Variants in RTL4 observed in about 807,000 individuals in gnomAD.
RTL4 encodes the protein retrotransposon Gag-like protein 4.
In RTL4, 4 loss-of-function variants were observed where a neutral mutation model predicts 5.3. That is an observed-to-expected ratio of 0.75 (90% CI 0.37 to 1.72). The LOEUF is 1.72. Ranked by LOEUF, RTL4 falls within the 40% of genes most tolerant of loss-of-function variation. RTL4 has a pLI of 0.04. For missense variants in RTL4, 260 were observed against 227.1 expected, an observed-to-expected ratio of 1.14 and a Z score of -0.93; for synonymous variants, 98 against 87.3, an observed-to-expected ratio of 1.12 and a Z score of -0.68.
the RTL4 span, among the ~76,000 whole-genome samples, chrX:112,248,187 T>C: frequency 8.9e-6 from 1 of 112,394 alleles, no homozygotes; most frequent in African/African-American, 3.2e-5. Context: ...AACTTGAAAT[T>C]TCCAGAGAAA....
At chrX:112,270,661 A>C in the RTL4 span, among the ~76,000 whole-genome samples, 17 of 111,119 alleles carry the variant, frequency 1.5e-4, no homozygotes, top group Non-Finnish European at 2.1e-4. Context: ...GACAGCTAGC[A>C]GACAGCCCTG....
the RTL4 span, among the ~76,000 whole-genome samples, chrX:112,435,894 T>G: frequency 3.6e-5 from 4 of 112,060 alleles, no homozygotes; most frequent in Non-Finnish European, 5.6e-5. Flanking sequence ...ATGTTCAAAC[T>G]TCACAGTTTT....
the RTL4 span, among the ~76,000 whole-genome samples, chrX:112,302,722 G>A: frequency 8.9e-6 from 1 of 112,394 alleles, no homozygotes; most frequent in Admixed American, 9.4e-5. Flanking sequence ...CATTTACAAT[G>A]TGCTAGGCTT....
At chrX:112,205,330 CT>C in the RTL4 span, among the ~76,000 whole-genome samples, 1 of 111,017 alleles carries the variant, frequency 9.0e-6, no homozygotes, top group African/African-American at 3.3e-5. Context: ...TAAGATTTAC[CT>C]TGTATAAGAG....
At chrX:112,368,965 A>G in the RTL4 span, among the ~76,000 whole-genome samples, 10 of 112,993 alleles carry the variant, frequency 8.9e-5, no homozygotes, top group Non-Finnish European at 1.9e-4. Flanking sequence ...CACTACAAGT[A>G]CTTGCAGTAT....
chrX:112,404,289 T>C, the RTL4 span, among the ~76,000 whole-genome samples: 30 of 112,273 alleles, frequency 2.7e-4, no homozygotes, highest in African/African-American at 9.7e-4. Context: ...ATTTTATACC[T>C]GCATCTCTAT....
At chrX:112,232,998 C>T in the RTL4 span, among the ~76,000 whole-genome samples, 1 of 111,394 alleles carries the variant, frequency 9.0e-6, no homozygotes, top group Non-Finnish European at 1.9e-5. Flanking sequence ...GATGTTCAGC[C>T]AGTGACATAG....
At chrX:112,120,307 G>C in the RTL4 span, among the ~76,000 whole-genome samples, 24 of 112,174 alleles carry the variant, frequency 2.1e-4, no homozygotes, top group Non-Finnish European at 4.1e-4. Context: ...GACGGAGTCT[G>C]GCTCTGTCGC....
the RTL4 span, among the ~76,000 whole-genome samples, chrX:112,340,583 G>A: frequency 9.6e-6 from 1 of 103,674 alleles, no homozygotes; most frequent in Admixed American, 1.0e-4. Context: ...TCATCTTTTC[G>A]GCGGGGGTGG....
the RTL4 span, among the ~76,000 whole-genome samples, chrX:112,098,422 G>A: frequency 2.2e-4 from 24 of 111,381 alleles, no homozygotes; most frequent in African/African-American, 6.9e-4. Context: ...ATAAACATAC[G>A]TGTGCATGTG....
At chrX:112,345,204 T>G in the RTL4 span, among the ~76,000 whole-genome samples, 261 of 111,108 alleles carry the variant, frequency 2.3e-3, 1 homozygote, top group African/African-American at 7.7e-3. Context: ...TGCTGATGGC[T>G]CCAGAGATGA....
the RTL4 span, among the ~76,000 whole-genome samples, chrX:112,099,086 A>G: frequency 2.7e-5 from 3 of 112,162 alleles, no homozygotes; most frequent in Admixed American, 1.9e-4. Context: ...CCACCATCAG[A>G]GTGAACAGGC....
chrX:112,183,004 A>G, the RTL4 span, among the ~76,000 whole-genome samples: 1,356 of 112,322 alleles, frequency 0.012, 19 homozygotes, highest in African/African-American at 0.041. Flanking sequence ...CTGGGAGCCA[A>G]TATTCCACAT....
At chrX:112,089,504 T>C in the RTL4 span, among the ~76,000 whole-genome samples, 1 of 111,275 alleles carries the variant, frequency 9.0e-6, no homozygotes, top group East Asian at 2.8e-4. Context: ...AAGAGACCAT[T>C]CTTTCCTGAT....
chrX:112,249,790 T>TAGAG, the RTL4 span, among the ~76,000 whole-genome samples: 1,771 of 99,733 alleles, frequency 0.018, 24 homozygotes, highest in Non-Finnish European at 0.024. Context: ...TATATATATA[T>TAGAG]ATAGAGAGAG....
chrX:112,344,580 A>G, the RTL4 span, among the ~76,000 whole-genome samples: 1 of 111,869 alleles, frequency 8.9e-6, no homozygotes, highest in Non-Finnish European at 1.9e-5. Flanking sequence ...GCAAGGGGGA[A>G]GTCTGCCCCC....
At chrX:112,429,986 A>AT in the RTL4 span, among the ~76,000 whole-genome samples, 4 of 109,860 alleles carry the variant, frequency 3.6e-5, no homozygotes, top group Non-Finnish European at 5.7e-5. Context: ...TTTATCTTTG[A>AT]TTTTCTCAAG....
At chrX:112,249,081 A>G in the RTL4 span, among the ~76,000 whole-genome samples, 3 of 112,165 alleles carry the variant, frequency 2.7e-5, no homozygotes, top group Non-Finnish European at 5.6e-5. Context: ...CAGGGAGAGA[A>G]ATAAAGATGG....
the RTL4 span, among the ~76,000 whole-genome samples, chrX:112,187,017 C>T: frequency 1.8e-5 from 2 of 111,745 alleles, no homozygotes; most frequent in African/African-American, 6.5e-5. Flanking sequence ...GGCTGAATTC[C>T]TCCCCCAAAG....
Sources: allele counts gnomAD v4.1 joint callset (sites outside exome capture counted in the v4.1 genomes callset), GRCh38; gene constraint gnomAD v4.1.1; transcripts MANE v1.5; gene names NCBI Gene and HGNC (gene_info 2026-07-23, HGNC 2026-07-21).